Variants in DOCK1 observed in about 807,000 individuals in gnomAD.
DOCK1 encodes the protein dedicator of cytokinesis 1.
DOCK1 carries 138 observed loss-of-function variants against 262.7 expected under a neutral mutation model. That is an observed-to-expected ratio of 0.53 (90% CI 0.46 to 0.61). The LOEUF is 0.61. DOCK1 is among the 20% of genes least tolerant of loss of function. DOCK1 has a pLI of 0.00. For synonymous variants in DOCK1, 866 were observed against 867.4 expected, an observed-to-expected ratio of 1.00 and a Z score of 0.03; for missense variants, 1,908 against 2,370.7, an observed-to-expected ratio of 0.80 and a Z score of 4.05.
At chr10:127,337,251 T>G (rs190383224) in intron 29 of DOCK1, among the ~76,000 whole-genome samples, 1 of 152,224 alleles carries the variant, frequency 6.6e-6, no homozygotes, top group African/African-American at 2.4e-5. Context: ...CCTCAGAGGC[T>G]CTCTCAACAC....
At chr10:127,142,559 G>T (rs2051368660) in intron 27 of DOCK1, among the ~76,000 whole-genome samples, 1 of 152,200 alleles carries the variant, frequency 6.6e-6, no homozygotes, top group African/African-American at 2.4e-5. Context: ...CCTGTGCGGG[G>T]TGTTCTGTCC....
chr10:127,182,637 G>T (rs2055846540), intron 27 of DOCK1, among the ~76,000 whole-genome samples: 1 of 152,262 alleles, frequency 6.6e-6, no homozygotes, highest in East Asian at 1.9e-4. Flanking sequence ...GAGACATTAT[G>T]TCAATGTAAA....
chr10:126,924,849 T>A (rs1365194700), intron 1 of DOCK1, among the ~76,000 whole-genome samples: 1 of 152,188 alleles, frequency 6.6e-6, no homozygotes, highest in Non-Finnish European at 1.5e-5. Context: ...TCCCTGGAAA[T>A]GAAGGATTGG....
At chr10:126,932,984 A>G (rs1478517329) in intron 1 of DOCK1, among the ~76,000 whole-genome samples, 2 of 151,756 alleles carry the variant, frequency 1.3e-5, no homozygotes, top group African/African-American at 4.8e-5. Flanking sequence ...TGGCCTGGAT[A>G]TATGTGGAGG....
At chr10:126,996,942 A>T (rs998777757) in intron 7 of DOCK1, 59 bp downstream of exon 7, 1 of 1,495,934 alleles carries the variant, frequency 6.7e-7, no homozygotes, top group African/African-American at 1.4e-5. Flanking sequence ...TTTCAACATT[A>T]GTAAAGTATC....
chr10:127,341,713 G>A (rs925238497), intron 30 of DOCK1, among the ~76,000 whole-genome samples: 1 of 152,190 alleles, frequency 6.6e-6, no homozygotes, highest in Non-Finnish European at 1.5e-5. Context: ...GTTTCATGAG[G>A]ATGGCCCCTT....
chr10:127,204,352 T>C (rs924674335), intron 27 of DOCK1, among the ~76,000 whole-genome samples: 1 of 152,216 alleles, frequency 6.6e-6, no homozygotes, highest in African/African-American at 2.4e-5. Context: ...AGTGATGTGA[T>C]GTTGGCTCAC....
intron 23 of DOCK1, among the ~76,000 whole-genome samples, chr10:127,089,290 C>T (rs2047376433): frequency 6.6e-6 from 1 of 152,140 alleles, no homozygotes; most frequent in Non-Finnish European, 1.5e-5. Flanking sequence ...CTTCTTGCCC[C>T]TGTTCTCTGT....
chr10:127,091,968 G>T (rs2047559774), intron 23 of DOCK1, among the ~76,000 whole-genome samples: 1 of 152,200 alleles, frequency 6.6e-6, no homozygotes, highest in African/African-American at 2.4e-5. Flanking sequence ...GATAAAAAGA[G>T]CAGACTTAGG....
chr10:126,931,611 C>T (rs1203640760), intron 1 of DOCK1, among the ~76,000 whole-genome samples: 1 of 152,182 alleles, frequency 6.6e-6, no homozygotes, highest in African/African-American at 2.4e-5. Flanking sequence ...GGGGCCTCAT[C>T]TGTTGAATGG....
chr10:127,133,876 G>A (rs973727069), intron 27 of DOCK1, among the ~76,000 whole-genome samples: 10 of 152,200 alleles, frequency 6.6e-5, no homozygotes, highest in African/African-American at 2.2e-4. Flanking sequence ...TAAATAAAGT[G>A]GCTGCACATG....
rs376835891 is a variant in DOCK1 at position 127,120,277 on chromosome 10, G to C, written c.2624-5197G>C. Among the ~76,000 whole-genome samples the C allele has an allele frequency of 1.6e-4, 24 of 152,310 alleles. No individual in the cohort carries two copies. The South Asian group carries it at 3.3e-3, about 21-fold the overall frequency. ...GGCCATGACTCTGCTTACAATAAAT[G>C]CCAGTTCATAAAAATGAGAAGTCAC... is the stretch of plus-strand genomic sequence containing the variant. On this transcript the variant is annotated intron_variant, in intron 25 of 51. Coordinates refer to ENST00000623213, the MANE Select transcript of DOCK1 (RefSeq NM_001290223.2).
intron 23 of DOCK1, 46 bp from the exon 24 acceptor site, chr10:127,106,185 T>C (rs1478237455): frequency 6.5e-7 from 1 of 1,549,514 alleles, no homozygotes; most frequent in Admixed American, 2.0e-5. Flanking sequence ...GTATGAACAC[T>C]CCCTAACCTG....
intron 3 of DOCK1, among the ~76,000 whole-genome samples, chr10:126,981,122 A>C (rs2038941343): frequency 6.6e-6 from 1 of 151,748 alleles, no homozygotes; most frequent in Admixed American, 6.6e-5. Flanking sequence ...TAATTTTTGT[A>C]TTTTTAGTAG....
At chr10:127,022,494 G>A (rs1591699551) in intron 13 of DOCK1, among the ~76,000 whole-genome samples, 1 of 151,976 alleles carries the variant, frequency 6.6e-6, no homozygotes, top group Non-Finnish European at 1.5e-5. Context: ...GCAGGATCTC[G>A]GTTTGCGGCA....
At chr10:127,167,514 C>T (rs900155326) in intron 27 of DOCK1, among the ~76,000 whole-genome samples, 5 of 152,108 alleles carry the variant, frequency 3.3e-5, no homozygotes, top group Admixed American at 3.3e-4. Context: ...CCCCCCGCCC[C>T]GAAACTTTTA....
At chr10:126,999,278 A>T (rs1171374064) in intron 8 of DOCK1, 76 bp from the exon 9 acceptor site, 1 of 1,149,016 alleles carries the variant, frequency 8.7e-7, no homozygotes, top group East Asian at 2.4e-5. Context: ...GGTATTAATT[A>T]TGAAGCAATG....
At chr10:127,022,491 C>A (rs964107588) in intron 13 of DOCK1, among the ~76,000 whole-genome samples, 4 of 152,062 alleles carry the variant, frequency 2.6e-5, no homozygotes, top group African/African-American at 9.7e-5. Context: ...GTGGCAGGAT[C>A]TCGGTTTGCG....
intron 23 of DOCK1, among the ~76,000 whole-genome samples, chr10:127,088,308 G>A (rs749596741): frequency 1.3e-5 from 2 of 152,132 alleles, no homozygotes; most frequent in African/African-American, 2.4e-5. Flanking sequence ...TTGGAAGCAG[G>A]CACATTCTTC....
Sources: allele counts gnomAD v4.1 joint callset (sites outside exome capture counted in the v4.1 genomes callset), GRCh38; gene constraint gnomAD v4.1.1; transcripts MANE v1.5; gene names NCBI Gene and HGNC (gene_info 2026-07-23, HGNC 2026-07-21).